Variants in SYNE1 observed in about 807,000 individuals in gnomAD.
SYNE1 encodes the protein spectrin repeat containing nuclear envelope protein 1.
Under a neutral mutation model 1,111.0 loss-of-function variants are expected in SYNE1, and 616 were observed. The ratio of observed to expected loss-of-function variants is 0.55; its 90% CI spans 0.52 to 0.59. The LOEUF is 0.59. Ranked by LOEUF, SYNE1 falls within the 20% of genes least tolerant of loss-of-function variation. The pLI is 0.00. For missense variants in SYNE1, 10,006 were observed against 10,417.0 expected, an observed-to-expected ratio of 0.96 and a Z score of 1.72; for synonymous variants, 3,855 against 3,825.8, an observed-to-expected ratio of 1.01 and a Z score of -0.28.
chr6:152,219,318 C>T (rs2079518284), intron 119 of SYNE1, 133 bp from the exon 120 acceptor site: 1 of 932,082 alleles, frequency 1.1e-6, no homozygotes, highest in East Asian at 2.5e-5. Flanking sequence ...ATAAACTTCA[C>T]CTGTGGAAAA....
At chr6:152,378,353 C>T (rs571662026) in intron 56 of SYNE1, among the ~76,000 whole-genome samples, 1 of 152,182 alleles carries the variant, frequency 6.6e-6, no homozygotes, top group Non-Finnish European at 1.5e-5. Context: ...CAGCCCTGTG[C>T]TTCATTCCTC....
At chr6:152,141,355 C>T (rs762482208) in intron 138 of SYNE1, 26 bp from the exon 139 acceptor site, 22 of 1,613,116 alleles carry the variant, frequency 1.4e-5, no homozygotes, top group Non-Finnish European at 1.9e-5. Flanking sequence ...CAACCGGCCC[C>T]TGTCACCCAA....
At chr6:152,361,238 G>T (rs1043785657) in intron 64 of SYNE1, among the ~76,000 whole-genome samples, 3 of 152,340 alleles carry the variant, frequency 2.0e-5, no homozygotes, top group Admixed American at 1.3e-4. Flanking sequence ...AAGGGAGGAG[G>T]CTGGGAGCAT....
chr6:152,148,424 A>G lies in SYNE1; in HGVS notation c.24643-46T>C. Reference sequence around the variant, plus strand: ...ACCCTGTCACTGTAGTGGTCAGACTAGCTTCTTATCTGGGCCACCTGCCTA... The same window carrying G: ...ACCCTGTCACTGTAGTGGTCAGACTGGCTTCTTATCTGGGCCACCTGCCTA... On this transcript the variant is annotated intron_variant, in intron 136 of 145. Coordinates refer to ENST00000367255, the MANE Select transcript of SYNE1 (RefSeq NM_182961.4). This position sits in a 1 kb window ranked among gnomAD's most constrained non-coding sequence, Gnocchi z 4.1. 1 of 1,585,698 alleles carries G rather than the reference A, an allele frequency of 6.3e-7. No homozygotes were observed.
chr6:152,441,187 T>C lies in SYNE1; in HGVS notation c.4092A>G (p.Glu1364=). Reference sequence around the variant, plus strand: ...CCAAACTGCTAAAACTCAAGAAGCGTTCATGACTGGAACCTGTTTGAAAAA... The same window carrying C: ...CCAAACTGCTAAAACTCAAGAAGCGCTCATGACTGGAACCTGTTTGAAAAA... ...RYLFQTGSSH[E]RFLSFSSLES... The change falls in exon 32 of 146, where the codon GAA becomes GAG. Residue 1364 remains glutamate, a synonymous_variant. Coordinates refer to ENST00000367255, the MANE Select transcript of SYNE1 (RefSeq NM_182961.4). The C allele has an allele frequency of 6.2e-7, 1 of 1,613,644 alleles. No homozygotes were observed. The highest frequency in any genetic ancestry group is 8.5e-7 in the Non-Finnish European group (1 of 1,179,766).
At chr6:152,371,890 A>AAGGACAGGACAGGACAGGACAGGAC (rs2097192000) in intron 59 of SYNE1, among the ~76,000 whole-genome samples, 1 of 105,798 alleles carries the variant, frequency 9.5e-6, no homozygotes, top group African/African-American at 4.2e-5. Flanking sequence ...AAGGAAAGGA[A>AAGGACAGGACAGGACAGGACAGGAC]AGGAAAGGAA....
chr6:152,600,855 G>T (rs1260579797), intron 3 of SYNE1, among the ~76,000 whole-genome samples: 1 of 152,186 alleles, frequency 6.6e-6, no homozygotes, highest in East Asian at 1.9e-4. Flanking sequence ...TGTATGCACT[G>T]TGAAATTAAA....
intron 14 of SYNE1, among the ~76,000 whole-genome samples, chr6:152,474,275 A>C (rs1227976212): frequency 6.6e-6 from 1 of 152,166 alleles, no homozygotes; most frequent in Non-Finnish European, 1.5e-5. Context: ...GCTGGGCAAA[A>C]TATATGATTT....
Position 152,244,507 on chromosome 6 carries a change from C to A in SYNE1, c.19692+30G>T, listed in dbSNP as rs755028903. 11 of 1,613,646 alleles carry A rather than the reference C, an allele frequency of 6.8e-6. No individual in the cohort carries two copies. In the Admixed American group the frequency reaches 1.7e-4, roughly 24 times the overall value. Reference sequence around the variant, plus strand: ...AGACTTCAAGTTTGATGTACCCCTGCAGCTGAATACTACTGGCTGAAGGCT... The same window carrying A: ...AGACTTCAAGTTTGATGTACCCCTGAAGCTGAATACTACTGGCTGAAGGCT... On this transcript the variant is annotated intron_variant, in intron 106 of 145. Coordinates refer to ENST00000367255, the MANE Select transcript of SYNE1 (RefSeq NM_182961.4).
In SYNE1 at chr6:152,294,027, C is replaced by A. The variant is rs1562848021; in HGVS notation, c.17783G>T (p.Gly5928Val). Reference protein sequence around the residue: ...TSASQEFYEPGLEPSATAKLG... With the variant: ...TSASQEFYEPVLEPSATAKLG... ...TTTGGCAGTAGCGGATGGCTCCAATCCCGGTTCATAGAACTCCTGGGATGC... is the reference window on the plus strand; with the variant it reads ...TTTGGCAGTAGCGGATGGCTCCAATACCGGTTCATAGAACTCCTGGGATGC... The change falls in exon 94 of 146, where the codon GGA becomes GTA. Residue 5928 changes from glycine (G) to valine (V), a missense_variant. This residue lies in a region of SYNE1 where 4,955 missense variants were observed against 5,017.2 expected (regional missense o/e 0.99). Coordinates refer to ENST00000367255, the MANE Select transcript of SYNE1 (RefSeq NM_182961.4). 6.2e-7 allele frequency: 1 copy of A among 1,614,120 alleles called. No individual in the cohort carries two copies. The highest frequency in any genetic ancestry group is 2.2e-5 in the East Asian group (1 of 44,886).
chr6:152,585,141 C>T (rs939181916), intron 3 of SYNE1, among the ~76,000 whole-genome samples: 3 of 152,124 alleles, frequency 2.0e-5, no homozygotes, highest in Non-Finnish European at 4.4e-5. Flanking sequence ...CCCTATTGCT[C>T]GGCAGTTCTT....
intron 55 of SYNE1, 198 bp from the exon 56 acceptor site, chr6:152,381,560 C>CA (rs970852848): frequency 4.9e-6 from 3 of 615,190 alleles, no homozygotes; most frequent in South Asian, 3.8e-5. Context: ...AGGCTTATGG[C>CA]AAAAAAATCC....
chr6:152,507,069 T>G (rs997797660), intron 8 of SYNE1, among the ~76,000 whole-genome samples: 12 of 152,236 alleles, frequency 7.9e-5, no homozygotes, highest in African/African-American at 2.7e-4. Flanking sequence ...TTTTCAAGCT[T>G]GTCTCTGGTA....
intron 39 of SYNE1, among the ~76,000 whole-genome samples, chr6:152,422,808 C>A (rs1194098059): frequency 6.6e-6 from 1 of 152,248 alleles, no homozygotes; most frequent in Non-Finnish European, 1.5e-5. Flanking sequence ...CACACCCAAT[C>A]TCTATCAAAC....
At chr6:152,329,606 C>A (rs1490541652) in intron 78 of SYNE1, 124 bp downstream of exon 78, 16 of 1,255,354 alleles carry the variant, frequency 1.3e-5, no homozygotes, top group Non-Finnish European at 1.8e-5. Context: ...GCTGAAGATG[C>A]TTCTGTGTAG....
At chr6:152,583,751 GCACTATGCCT>G (rs2099528100) in intron 3 of SYNE1, among the ~76,000 whole-genome samples, 1 of 152,178 alleles carries the variant, frequency 6.6e-6, no homozygotes, top group African/African-American at 2.4e-5. Flanking sequence ...TTGGAAGAGA[GCACTATGCCT>G]CACTGGTCAT....
rs1228728035 is a variant in SYNE1 at position 152,323,723 on chromosome 6, A to T, written c.15672T>A (p.Thr5224=). Residue 5224 remains threonine (T), a synonymous_variant, in exon 82 of 146, where the codon ACT becomes ACA. Transcript: ENST00000367255. The part of the protein sequence containing the change: ...TGFNNKVKKA[T]EMIDQLQDKL... ...TATCTTGCAGCTGATCAATCATTTCAGTGGCCTTTTTAACCTGATGACAAA... is the reference window on the plus strand; with the variant it reads ...TATCTTGCAGCTGATCAATCATTTCTGTGGCCTTTTTAACCTGATGACAAA... 3.1e-6 allele frequency: 5 copies of T among 1,614,114 alleles called. No individual in the cohort carries two copies. The South Asian group carries it at 5.5e-5, about 18-fold the overall frequency.
Position 152,336,957 on chromosome 6 carries a change from G to C in SYNE1, c.12412C>G (p.Leu4138Val). The change falls in exon 76 of 146, where the codon CTG (leucine) becomes GTG (valine). Residue 4138 changes from leucine to valine, a missense_variant. Physicochemically the swap from Leu to Val is conservative, Grantham distance 32. Coordinates refer to ENST00000367255, the MANE Select transcript of SYNE1 (RefSeq NM_182961.4). Reference protein sequence around the residue: ...LTQGWEEIKHLKSELWIYLQD... With the variant: ...LTQGWEEIKHVKSELWIYLQD... The stretch of plus-strand genomic sequence containing the variant: ...AGGTAAATCCAGAGCTCAGACTTCA[G>C]GTGCTTGATCTCTTCCCAGCCCTGA... The C allele has an allele frequency of 6.2e-7, 1 of 1,614,108 alleles. No homozygotes were observed. Among genetic ancestry groups the C allele is most frequent in the African/African-American group, 1.3e-5 (1 of 75,026 alleles).
chr6:152,481,377 A>G (rs2154292531), intron 14 of SYNE1, among the ~76,000 whole-genome samples: 1 of 152,282 alleles, frequency 6.6e-6, no homozygotes, highest in South Asian at 2.1e-4. Context: ...TTAATTCTCA[A>G]TAAATATACA....
Sources: allele counts gnomAD v4.1 joint callset (sites outside exome capture counted in the v4.1 genomes callset), GRCh38; gene constraint gnomAD v4.1.1; regional missense constraint gnomAD v4.1.1; non-coding constraint Gnocchi (gnomAD v3.1); transcripts MANE v1.5; gene names NCBI Gene and HGNC (gene_info 2026-07-23, HGNC 2026-07-21).